Variants in ZNF207 observed in about 807,000 individuals in gnomAD.
ZNF207 encodes BUB3-interacting and GLEBS motif-containing protein ZNF207.
In ZNF207, 24 loss-of-function variants were observed where a neutral mutation model predicts 60.2. That is an observed-to-expected ratio of 0.40 (90% CI 0.29 to 0.56). The LOEUF (loss-of-function observed/expected upper bound fraction) is 0.56, where lower values mean the gene tolerates loss of function less well. ZNF207 is among the 20% of genes least tolerant of loss of function. The probability of loss-of-function intolerance (pLI) is 0.49; values close to 1 mark genes in which losing one functional copy is unlikely to be tolerated. For missense variants in ZNF207, 452 were observed against 636.6 expected (o/e 0.71, Z 3.12); for synonymous variants, 236 against 194.7 (o/e 1.21, Z -1.77).
chr17:32,381,233 C>CA lies in ZNF207; in HGVS notation c.*11476dup, dbSNP rs369117255. On this transcript the variant is annotated 3_prime_UTR_variant, in exon 12 of 12. Coordinates refer to ENST00000394670, the MANE Select transcript of ZNF207 (RefSeq NM_001098507.2). ...AATCTTCGGTCTTCACTTTTACTGG[C>CA]AAGGGATTATGTGAAGAGTAAGTCA... 7.2e-4 allele frequency: 110 copies of CA among 152,202 alleles called. No individual in the cohort carries two copies. Among genetic ancestry groups the CA allele is most frequent in the African/African-American group, 2.6e-3 (109 of 41,510 alleles). The allele number at this position is 152,202 out of a possible 1,614,324, so 9.4% of individuals were successfully genotyped here.
At chr17:32,361,022 C>T in intron 5 of ZNF207, 55 bp downstream of exon 5, 1 of 1,559,374 alleles carries the variant, frequency 6.4e-7, no homozygotes, top group Non-Finnish European at 8.8e-7. Context: ...TGATCTTTTT[C>T]AATTTGGATG....
chr17:32,354,333 C>A (rs1362452866), intron 2 of ZNF207, among the ~76,000 whole-genome samples: 6 of 151,884 alleles, frequency 4.0e-5, no homozygotes, highest in Admixed American at 3.9e-4. Flanking sequence ...TATGCTCTGT[C>A]AGTTTTTTTT....
rs1229526633 is a variant in ZNF207 at position 32,364,351 on chromosome 17, G to GT, written c.671-970dup. On this transcript the variant is annotated intron_variant, in intron 7 of 11. Transcript: ENST00000394670. Reference sequence around the variant, plus strand: ...GATGTGCCACACGAGGCTATTAGTTGTTTTTTTTTCTTTTTTTTTTTTTTG... The same window carrying GT: ...GATGTGCCACACGAGGCTATTAGTTGTTTTTTTTTTCTTTTTTTTTTTTTTG... Among the ~76,000 whole-genome samples, 39 of 139,848 alleles carry GT rather than the reference G, an allele frequency of 2.8e-4. 1 individual carries two copies. The East Asian group carries it at 3.8e-3, about 14-fold the overall frequency. 91.7% of individuals were successfully genotyped at this position (139,848 alleles called of 152,430 possible). A position where few individuals can be genotyped will look rare whatever the true frequency, so the allele number is the denominator to read the frequency against.
rs771661957 is a variant in ZNF207 at position 32,369,642 on chromosome 17, T to C, written c.1368T>C (p.Pro456=). 1.3e-6 allele frequency: 2 copies of C among 1,584,124 alleles called. No homozygotes were observed. Among genetic ancestry groups the C allele is most frequent in the Admixed American group, 1.8e-5 (1 of 55,218 alleles). The change falls in exon 12 of 12, where the codon CCT becomes CCC. Residue 456 remains proline (P), a synonymous_variant. Coordinates refer to ENST00000394670, the MANE Select transcript of ZNF207 (RefSeq NM_001098507.2). ...ATCAAGGCATGCCAGGATACCTTCC[T>C]GGTGCTATGCCCCCGTATGGGCAGG... The part of the protein sequence containing the change: ...GHHQGMPGYL[P]GAMPPYGQGP...
chr17:32,368,157 T>C, intron 10 of ZNF207, 143 bp downstream of exon 10: 1 of 1,181,700 alleles, frequency 8.5e-7, no homozygotes, highest in Non-Finnish European at 1.2e-6. Context: ...CCATTCTGAT[T>C]CTTAAGAAAT....
chr17:32,353,669 A>C (rs1162666895), intron 2 of ZNF207, among the ~76,000 whole-genome samples: 1 of 14,386 alleles, frequency 7.0e-5, no homozygotes, highest in African/African-American at 3.0e-4. Context: ...AGTCCTGGCT[A>C]CGGGGGCGGG....
chr17:32,368,136 A>G, intron 10 of ZNF207, 122 bp downstream of exon 10: 1 of 1,400,676 alleles, frequency 7.1e-7, no homozygotes, highest in Non-Finnish European at 9.6e-7. Flanking sequence ...ATGCTCACTA[A>G]GTGGTTTTTG....
chr17:32,369,196 A>G (rs1416921407), intron 10 of ZNF207, 99 bp from the exon 11 acceptor site: 1 of 1,411,898 alleles, frequency 7.1e-7, no homozygotes, highest in Non-Finnish European at 9.6e-7. Flanking sequence ...TAAATTTTTG[A>G]AAATTACTCT....
chr17:32,374,879 C>T lies in ZNF207; in HGVS notation c.*5120C>T, dbSNP rs998968387. On this transcript the variant is annotated 3_prime_UTR_variant, in exon 12 of 12. Transcript: ENST00000394670. ...CAGCCTCACTGAACAGTGTTTTACG[C>T]ACATGTGAAAAGTATCCACATTTGT... 6.6e-6 allele frequency: 1 copy of T among 152,164 alleles called. No homozygotes were observed. The highest frequency in any genetic ancestry group is 1.5e-5 in the Non-Finnish European group (1 of 68,032). 9.4% of individuals were successfully genotyped at this position (152,164 alleles called of 1,614,324 possible).
At position 32,360,182 on chromosome 17, in the gene ZNF207, C is replaced by T. The variant is rs553315286; in HGVS notation, c.308-416C>T. ...AGTTCAAGACCTCACCTTTACCCCC[C>T]CCCCAAAAAAAAAAAAAAAAAGCCC... On this transcript the variant is annotated intron_variant, in intron 3 of 11. Coordinates refer to ENST00000394670, the MANE Select transcript of ZNF207 (RefSeq NM_001098507.2). Among the ~76,000 whole-genome samples, 17 of 110,516 alleles carry T rather than the reference C, an allele frequency of 1.5e-4. 1 individual carries two copies. In the East Asian group the frequency reaches 2.8e-3, roughly 18 times the overall value. The allele number at this position is 110,516 out of a possible 152,430, so 72.5% of individuals were successfully genotyped here.
chr17:32,363,032 C>CT, intron 7 of ZNF207, 48 bp downstream of exon 7: 1 of 1,552,036 alleles, frequency 6.4e-7, no homozygotes, highest in Non-Finnish European at 8.7e-7. Context: ...GGCTTTATTT[C>CT]TAAGTTTTTT....
chr17:32,380,400 T>C lies in ZNF207; in HGVS notation c.*10641T>C, dbSNP rs752591988. 9 of 152,214 alleles carry C rather than the reference T, an allele frequency of 5.9e-5. No homozygotes were observed. Among genetic ancestry groups the C allele is most frequent in the Non-Finnish European group, 8.8e-5 (6 of 68,030 alleles). The allele number at this position is 152,214 out of a possible 1,614,324, so 9.4% of individuals were successfully genotyped here. ...TCCTTTGTCTGGTTTTTTTATTTTG[T>C]ATGGTGCTTTAAATACTAATTTTAT... On this transcript the variant is annotated 3_prime_UTR_variant, in exon 12 of 12. Transcript: ENST00000394670.
At chr17:32,354,021 TGTC>T (rs1228003595) in intron 2 of ZNF207, among the ~76,000 whole-genome samples, 2 of 152,160 alleles carry the variant, frequency 1.3e-5, no homozygotes, top group South Asian at 2.1e-4. Flanking sequence ...CTCATTCTGT[TGTC>T]CAGGCTGGAG....
chr17:32,381,002 A>G lies in ZNF207; in HGVS notation c.*11243A>G, dbSNP rs550306070. The G allele has an allele frequency of 1.3e-5, 2 of 152,300 alleles. No individual in the cohort carries two copies. Among genetic ancestry groups the G allele is most frequent in the South Asian group, 2.1e-4 (1 of 4,832 alleles). 9.4% of individuals were successfully genotyped at this position (152,300 alleles called of 1,614,324 possible). On this transcript the variant is annotated 3_prime_UTR_variant, in exon 12 of 12. Transcript: ENST00000394670. ...AAAAAGTGATAAGATTTGGGAGTCT[A>G]TTCCCTGGGATGTTCTATTAATAAT...
At chr17:32,360,812 G>C (rs773102965) in intron 4 of ZNF207, 47 bp downstream of exon 4, 5 of 1,611,700 alleles carry the variant, frequency 3.1e-6, no homozygotes, top group Non-Finnish European at 4.2e-6. Flanking sequence ...GGACATTATT[G>C]ATATTGTATC....
chr17:32,372,565 GTGTT>G lies in ZNF207; in HGVS notation c.*2807_*2810del, dbSNP rs1241477468. On this transcript the variant is annotated 3_prime_UTR_variant, in exon 12 of 12. Transcript: ENST00000394670. ...AATTCTAATTAAAAATTAATTGAAA[GTGTT>G]AGGCATTGGCAGATAAAACTTAAGC... is the stretch of plus-strand genomic sequence containing the variant. 6.6e-6 allele frequency: 1 copy of G among 152,096 alleles called. No individual in the cohort carries two copies. Among genetic ancestry groups the G allele is most frequent in the Non-Finnish European group, 1.5e-5 (1 of 68,038 alleles). 9.4% of individuals were successfully genotyped at this position (152,096 alleles called of 1,614,324 possible).
At chr17:32,355,750 A>G (rs1368882862) in intron 2 of ZNF207, among the ~76,000 whole-genome samples, 1 of 152,216 alleles carries the variant, frequency 6.6e-6, no homozygotes, top group Non-Finnish European at 1.5e-5. Context: ...GATGAAAGGT[A>G]GGAAAACCAA....
chr17:32,351,067 G>A lies in ZNF207; in HGVS notation c.42-719G>A, dbSNP rs189828817. Reference sequence around the variant, plus strand: ...TACATTAAAATTGATTTTATTTACTGTTTTGTACGTAAAGGCGGCTTGTTA... The same window carrying A: ...TACATTAAAATTGATTTTATTTACTATTTTGTACGTAAAGGCGGCTTGTTA... On this transcript the variant is annotated intron_variant, in intron 1 of 11. Coordinates refer to ENST00000394670, the MANE Select transcript of ZNF207 (RefSeq NM_001098507.2). 2.6e-5 allele frequency: 4 copies of A among 154,262 alleles called. No homozygotes were observed. In the East Asian group the frequency reaches 5.7e-4, roughly 22 times the overall value. 9.6% of individuals were successfully genotyped at this position (154,262 alleles called of 1,614,324 possible). A position where few individuals can be genotyped will look rare whatever the true frequency, so the allele number is the denominator to read the frequency against.
Position 32,373,459 on chromosome 17 carries a change from TG to T in ZNF207, c.*3703del. On this transcript the variant is annotated 3_prime_UTR_variant, in exon 12 of 12. Coordinates refer to ENST00000394670, the MANE Select transcript of ZNF207 (RefSeq NM_001098507.2). ...GTTGCCCTGTTCAGTCTGAGGCAAG[TG>T]GGATTTATTTTATTCCTTATAGGGG... 1 of 629,004 alleles carries T rather than the reference TG, an allele frequency of 1.6e-6. No homozygotes were observed. The highest frequency in any genetic ancestry group is 2.9e-6 in the Non-Finnish European group (1 of 347,554). The allele number at this position is 629,004 out of a possible 1,614,324, so 39.0% of individuals were successfully genotyped here.
Sources: allele counts gnomAD v4.1 joint callset (sites outside exome capture counted in the v4.1 genomes callset), GRCh38; gene constraint gnomAD v4.1.1; transcripts MANE v1.5; gene names NCBI Gene and HGNC (gene_info 2026-07-23, HGNC 2026-07-21).